Variants in FGD4 observed in about 807,000 individuals in gnomAD.
The protein encoded by FGD4 is FYVE, RhoGEF and PH domain containing 4.
FGD4 carries 42 observed loss-of-function variants against 102.0 expected under a neutral mutation model. The observed-to-expected ratio is 0.41, with a 90% confidence interval of 0.32 to 0.53. The LOEUF is 0.53. FGD4 is among the 20% of genes least tolerant of loss of function. FGD4 has a pLI of 0.21. For synonymous variants in FGD4, 380 were observed against 375.7 expected (o/e 1.01, Z -0.13); for missense variants, 902 against 1,078.2 (o/e 0.84, Z 2.29).
At chr12:32,477,996 T>C (rs959692138) in intron 1 of FGD4, among the ~76,000 whole-genome samples, 10 of 152,198 alleles carry the variant, frequency 6.6e-5, no homozygotes, top group African/African-American at 2.4e-4. Context: ...TGTGAAGCAC[T>C]TAGGCTAGTA....
At chr12:32,418,188 C>G (rs932855709) in intron 1 of FGD4, among the ~76,000 whole-genome samples, 1 of 151,988 alleles carries the variant, frequency 6.6e-6, no homozygotes, top group Non-Finnish European at 1.5e-5. Flanking sequence ...GATCTCCTGA[C>G]CTCGTGATCC....
intron 1 of FGD4, chr12:32,501,913 C>A (rs1938244742): frequency 2.6e-6 from 1 of 390,730 alleles, no homozygotes. Flanking sequence ...GTTTGTACCA[C>A]CAAGGGTAAA....
At chr12:32,437,634 G>A (rs1271308448) in intron 1 of FGD4, among the ~76,000 whole-genome samples, 3 of 152,178 alleles carry the variant, frequency 2.0e-5, no homozygotes, top group Non-Finnish European at 2.9e-5. Context: ...AGAAAGTAAT[G>A]TTATATTAAC....
At chr12:32,405,447 T>TG (rs750855989) in intron 1 of FGD4, among the ~76,000 whole-genome samples, 66 of 150,246 alleles carry the variant, frequency 4.4e-4, no homozygotes, top group Non-Finnish European at 8.7e-4. Flanking sequence ...TTAGTAGAGA[T>TG]GGGGTTTCTC....
Position 32,407,077 on chromosome 12 carries a change from C to G in FGD4, c.166+7118C>G, listed in dbSNP as rs1419660029. Reference sequence around the variant, plus strand: ...CCACCCGCCTCCGCCTCCCAAAGTGCTGGGATTACAGGCATGAGCCACCAC... The same window carrying G: ...CCACCCGCCTCCGCCTCCCAAAGTGGTGGGATTACAGGCATGAGCCACCAC... On this transcript the variant is annotated intron_variant, in intron 1 of 16. Transcript: ENST00000534526. 8.8e-5 allele frequency among the ~76,000 whole-genome samples: 13 copies of G among 147,722 alleles called. No individual in the cohort carries two copies. In the Admixed American group the frequency reaches 8.9e-4, roughly 10 times the overall value.
At chr12:32,592,227 C>T (rs932905690) in intron 4 of FGD4, among the ~76,000 whole-genome samples, 2 of 152,008 alleles carry the variant, frequency 1.3e-5, no homozygotes, top group East Asian at 2.0e-4. Context: ...GGACTACAGG[C>T]GTGCGCCACC....
At chr12:32,583,934 T>C (rs1438768262) in intron 4 of FGD4, among the ~76,000 whole-genome samples, 1 of 152,226 alleles carries the variant, frequency 6.6e-6, no homozygotes, top group Non-Finnish European at 1.5e-5. Flanking sequence ...CCAACAAGTA[T>C]ATATAAAATA....
At chr12:32,446,312 G>A (rs891318070) in intron 1 of FGD4, among the ~76,000 whole-genome samples, 1 of 152,064 alleles carries the variant, frequency 6.6e-6, no homozygotes, top group African/African-American at 2.4e-5. Flanking sequence ...GCTAGGGTCT[G>A]AGTGTTTGTG....
At chr12:32,564,012 A>C in intron 1 of FGD4, 125 bp from the exon 2 acceptor site, 3 of 817,966 alleles carry the variant, frequency 3.7e-6, no homozygotes, top group African/African-American at 2.4e-5. Flanking sequence ...AGACCGTGGA[A>C]AGGGGAGAGG....
At chr12:32,474,531 A>T (rs1394224751) in intron 1 of FGD4, among the ~76,000 whole-genome samples, 1 of 152,222 alleles carries the variant, frequency 6.6e-6, no homozygotes, top group Non-Finnish European at 1.5e-5. Flanking sequence ...GAAATGTCCC[A>T]AAGAGCCAAA....
chr12:32,609,512 A>C (rs1358944460), intron 8 of FGD4, among the ~76,000 whole-genome samples: 1 of 152,200 alleles, frequency 6.6e-6, no homozygotes, highest in Non-Finnish European at 1.5e-5. Flanking sequence ...CATCGCCCAC[A>C]TCAGAATAGT....
chr12:32,545,402 T>A (rs1485622408), intron 1 of FGD4, among the ~76,000 whole-genome samples: 1 of 152,234 alleles, frequency 6.6e-6, no homozygotes, highest in Non-Finnish European at 1.5e-5. Flanking sequence ...TGGTAATTCA[T>A]AGTTTGTTGC....
At chr12:32,555,763 G>C (rs1944056928) in intron 1 of FGD4, among the ~76,000 whole-genome samples, 1 of 151,734 alleles carries the variant, frequency 6.6e-6, no homozygotes, top group Non-Finnish European at 1.5e-5. Context: ...GTAGAGACGG[G>C]GTTTCACCGT....
chr12:32,542,524 C>T (rs1021712426), intron 1 of FGD4, among the ~76,000 whole-genome samples: 1 of 152,158 alleles, frequency 6.6e-6, no homozygotes, highest in African/African-American at 2.4e-5. Flanking sequence ...ATTTTCTTCT[C>T]CTCTCTGGAC....
intron 1 of FGD4, among the ~76,000 whole-genome samples, chr12:32,492,058 T>C (rs559239092): frequency 9.8e-5 from 15 of 152,338 alleles, no homozygotes; most frequent in Admixed American, 2.0e-4. Context: ...TTAAAAGCCT[T>C]TTTAGAAAGT....
At chr12:32,401,890 C>G (rs543443384) in intron 1 of FGD4, among the ~76,000 whole-genome samples, 1 of 148,464 alleles carries the variant, frequency 6.7e-6, no homozygotes, top group Non-Finnish European at 1.5e-5. Flanking sequence ...CCATGCACAG[C>G]TAATTTTTGT....
intron 16 of FGD4, 95 bp from the exon 17 acceptor site, chr12:32,640,181 G>A: frequency 6.3e-7 from 1 of 1,591,298 alleles, no homozygotes; most frequent in Non-Finnish European, 8.6e-7. Flanking sequence ...AGTCTGTTTG[G>A]GACAGTGGTA....
intron 1 of FGD4, among the ~76,000 whole-genome samples, chr12:32,411,239 A>G (rs1941194746): frequency 6.6e-6 from 1 of 151,700 alleles, no homozygotes; most frequent in South Asian, 2.1e-4. Context: ...GCTCATTTGT[A>G]TTTTTAAAAC....
At position 32,573,136 on chromosome 12, in the gene FGD4, C is replaced by T. The variant is rs1237914919; in HGVS notation, c.320-3130C>T. Among the ~76,000 whole-genome samples, 4 of 152,130 alleles carry T rather than the reference C, an allele frequency of 2.6e-5. No homozygotes were observed. The East Asian group carries it at 7.7e-4, about 29-fold the overall frequency. ...TTGAGACGGGAGTTTCACTCTGTCG[C>T]ACAGGCTGGAGTGCAGTGGCGCGAT... is the stretch of plus-strand genomic sequence containing the variant. On this transcript the variant is annotated intron_variant, in intron 2 of 16. Transcript: ENST00000534526.
Sources: allele counts gnomAD v4.1 joint callset (sites outside exome capture counted in the v4.1 genomes callset), GRCh38; gene constraint gnomAD v4.1.1; transcripts MANE v1.5; gene names NCBI Gene and HGNC (gene_info 2026-07-23, HGNC 2026-07-21).